BMP5: variants seen among roughly 807,000 people sequenced by gnomAD.
BMP5 encodes the protein bone morphogenetic protein 5.
BMP5 carries 23 observed loss-of-function variants against 46.6 expected under a neutral mutation model. The observed-to-expected ratio is 0.49, with a 90% CI of 0.35 to 0.70. BMP5 has a LOEUF of 0.70. Among genes scored for constraint, BMP5 ranks in the 30% least tolerant of loss-of-function variants. BMP5 has a pLI of 0.00. For missense variants in BMP5, 545 were observed against 565.6 expected (o/e 0.96, Z 0.37); for synonymous variants, 204 against 191.9 (o/e 1.06, Z -0.52).
At chr6:55,829,780 C>T (rs551576395) in intron 1 of BMP5, among the ~76,000 whole-genome samples, 4 of 151,944 alleles carry the variant, frequency 2.6e-5, no homozygotes, top group South Asian at 2.1e-4. Context: ...GAATGAATTA[C>T]GCATTGTGAA....
Position 55,779,344 on chromosome 6 carries a change from C to G in BMP5, c.833-5101G>C, listed in dbSNP as rs577586206. On this transcript the variant is annotated intron_variant, in intron 3 of 6. Transcript: ENST00000370830. ...GTGATGGAACTTGTGCACAAATTAT[C>G]TTTTCTTCATTTCAAAAATGGCTCT... 1.1e-4 allele frequency among the ~76,000 whole-genome samples: 16 copies of G among 152,126 alleles called. No individual in the cohort carries two copies. In the South Asian group the frequency reaches 3.1e-3, roughly 30 times the overall value.
At chr6:55,766,791 A>G (rs551410041) in intron 4 of BMP5, among the ~76,000 whole-genome samples, 1 of 152,166 alleles carries the variant, frequency 6.6e-6, no homozygotes, top group South Asian at 2.1e-4. Context: ...ACATAAAAAT[A>G]CATGCATACC....
intron 2 of BMP5, among the ~76,000 whole-genome samples, chr6:55,811,709 C>T (rs1311277105): frequency 6.6e-6 from 1 of 151,874 alleles, no homozygotes; most frequent in Non-Finnish European, 1.5e-5. Flanking sequence ...CTTTCTCTCT[C>T]TCTCTCCCTA....
chr6:55,792,780 AC>A (rs1775604320), intron 3 of BMP5, among the ~76,000 whole-genome samples: 1 of 152,110 alleles, frequency 6.6e-6, no homozygotes, highest in Non-Finnish European at 1.5e-5. Flanking sequence ...GCTTTTACTT[AC>A]CTCTGTGGTT....
chr6:55,874,929 C>A lies in BMP5; in HGVS notation c.-64G>T. 5 of 1,450,414 alleles carry A rather than the reference C, an allele frequency of 3.4e-6. No homozygotes were observed. Among genetic ancestry groups the A allele is most frequent in the Non-Finnish European group, 3.8e-6 (4 of 1,054,300 alleles). The allele number at this position is 1,450,414 out of a possible 1,614,324, so 89.8% of individuals were successfully genotyped here. A position where few individuals can be genotyped will look rare whatever the true frequency, so the allele number is the denominator to read the frequency against. ...TTGTCCTCTTAAAAAAAAAAAAAAC[C>A]TAAGGTTCTAGGAGGTACAGTTTCC... On this transcript the variant is annotated 5_prime_UTR_variant, in exon 1 of 7. In the 5' UTR this introduces an upstream ATG that the reference lacks. Coordinates refer to ENST00000370830, the MANE Select transcript of BMP5 (RefSeq NM_021073.4).
In BMP5 at chr6:55,829,712, C is replaced by CA. The variant is rs551334393; in HGVS notation, c.491-9866dup. Among the ~76,000 whole-genome samples the CA allele has an allele frequency of 4.5e-3, 677 of 150,730 alleles. 4 individuals carry two copies. Among genetic ancestry groups the CA allele is most frequent in the African/African-American group, 0.016 (645 of 41,194 alleles). ...GTAATTCAAAAAATACATAACCATG[C>CA]AAAAAAAATAACATTTATCTTATGG... On this transcript the variant is annotated intron_variant, in intron 1 of 6. Coordinates refer to ENST00000370830, the MANE Select transcript of BMP5 (RefSeq NM_021073.4).
rs9475405 is a variant in BMP5 at position 55,781,968 on chromosome 6, G to A, written c.833-7725C>T. Among the ~76,000 whole-genome samples, 544 of 151,936 alleles carry A rather than the reference G, an allele frequency of 3.6e-3. 5 individuals are homozygous for A. Among genetic ancestry groups the A allele is most frequent in the African/African-American group, 0.012 (513 of 41,430 alleles). ...GGCTACTTCCAGGATCTTTGGATCA[G>A]TCTAGTACCAGCAAAATAGAAGAAA... On this transcript the variant is annotated intron_variant, in intron 3 of 6. Coordinates refer to ENST00000370830, the MANE Select transcript of BMP5 (RefSeq NM_021073.4).
At position 55,839,962 on chromosome 6, in the gene BMP5, T is replaced by G. The variant is rs539585929; in HGVS notation, c.491-20115A>C. 3.3e-5 allele frequency among the ~76,000 whole-genome samples: 5 copies of G among 152,242 alleles called. No homozygotes were observed. The East Asian group carries it at 7.7e-4, about 24-fold the overall frequency. ...CTTTAGACACGTGCTTGGTTCTGTA[T>G]GTATATTGATAATATTTTGTCTGAA... On this transcript the variant is annotated intron_variant, in intron 1 of 6. Coordinates refer to ENST00000370830, the MANE Select transcript of BMP5 (RefSeq NM_021073.4).
At chr6:55,778,128 A>G (rs1293149463) in intron 3 of BMP5, among the ~76,000 whole-genome samples, 1 of 152,066 alleles carries the variant, frequency 6.6e-6, no homozygotes, top group African/African-American at 2.4e-5. Flanking sequence ...AAAGCAAGAG[A>G]CAATGCCAGT....
chr6:55,841,599 G>A (rs1220269213), intron 1 of BMP5, among the ~76,000 whole-genome samples: 2 of 123,092 alleles, frequency 1.6e-5, no homozygotes, highest in African/African-American at 6.4e-5. Flanking sequence ...GTCTGGTGGT[G>A]GTGTTTGTTT....
intron 3 of BMP5, among the ~76,000 whole-genome samples, chr6:55,781,009 C>T (rs1258509285): frequency 1.3e-5 from 2 of 152,010 alleles, no homozygotes; most frequent in African/African-American, 4.8e-5. Context: ...TTACTTGGTC[C>T]CTATTTTCAG....
chr6:55,838,091 A>G (rs1037823782), intron 1 of BMP5, among the ~76,000 whole-genome samples: 6 of 152,188 alleles, frequency 3.9e-5, no homozygotes, highest in African/African-American at 1.4e-4. Context: ...TCCAAATCTT[A>G]GCTATTGTAA....
At chr6:55,815,741 C>A (rs1279878375) in intron 2 of BMP5, among the ~76,000 whole-genome samples, 2 of 152,046 alleles carry the variant, frequency 1.3e-5, no homozygotes, top group African/African-American at 4.8e-5. Context: ...ACTATGAAGT[C>A]ACGTGAACTA....
chr6:55,862,999 C>T (rs1777558661), intron 1 of BMP5, among the ~76,000 whole-genome samples: 1 of 152,140 alleles, frequency 6.6e-6, no homozygotes, highest in African/African-American at 2.4e-5. Context: ...AAAAAAAATC[C>T]TGGCACAAGA....
At chr6:55,868,682 T>C (rs532706341) in intron 1 of BMP5, among the ~76,000 whole-genome samples, 1 of 152,288 alleles carries the variant, frequency 6.6e-6, no homozygotes, top group Admixed American at 6.5e-5. Context: ...ACAAACTAGG[T>C]GTTACTACTA....
intron 4 of BMP5, among the ~76,000 whole-genome samples, chr6:55,771,803 C>G (rs1164615123): frequency 6.6e-6 from 1 of 151,874 alleles, no homozygotes; most frequent in Non-Finnish European, 1.5e-5. Context: ...ATCCCCATCC[C>G]ACCCCTTCTT....
chr6:55,862,228 T>C (rs1203503990), intron 1 of BMP5, among the ~76,000 whole-genome samples: 7 of 152,186 alleles, frequency 4.6e-5, no homozygotes, highest in Non-Finnish European at 1.0e-4. Context: ...TGATGCAATT[T>C]TTACTTCACA....
chr6:55,781,826 G>T (rs376621842), intron 3 of BMP5, among the ~76,000 whole-genome samples: 1 of 151,752 alleles, frequency 6.6e-6, no homozygotes, highest in Non-Finnish European at 1.5e-5. Context: ...GACCAGGCTG[G>T]TCTCAAACTC....
intron 1 of BMP5, among the ~76,000 whole-genome samples, chr6:55,869,164 A>T (rs751904012): frequency 1.3e-5 from 2 of 152,106 alleles, no homozygotes; most frequent in Non-Finnish European, 2.9e-5. Flanking sequence ...CTCCTTGTAC[A>T]CACATACTGA....
Sources: allele counts gnomAD v4.1 joint callset (sites outside exome capture counted in the v4.1 genomes callset), GRCh38; gene constraint gnomAD v4.1.1; transcripts MANE v1.5; gene names NCBI Gene and HGNC (gene_info 2026-07-23, HGNC 2026-07-21).